Variants in FUT8 observed in about 807,000 individuals in gnomAD.
FUT8 encodes alpha-(1,6)-fucosyltransferase.
In FUT8, 29 loss-of-function variants were observed where a neutral mutation model predicts 71.3. That is an observed-to-expected ratio of 0.41 (90% CI 0.30 to 0.55). FUT8 has a LOEUF of 0.55. Among genes scored for constraint, FUT8 ranks in the 20% least tolerant of loss-of-function variants. FUT8 has a pLI of 0.34. For synonymous variants in FUT8, 254 were observed against 239.3 expected (o/e 1.06, Z -0.57); for missense variants, 544 against 702.1 (o/e 0.77, Z 2.55).
chr14:65,359,875 G>A, the FUT8 span, among the ~76,000 whole-genome samples: 5 of 152,036 alleles, frequency 3.3e-5, no homozygotes, highest in Non-Finnish European at 7.4e-5. Context: ...ACCCAGGCTG[G>A]AGTGCAGTGG....
intron 3 of FUT8, among the ~76,000 whole-genome samples, chr14:65,568,286 G>A (rs1480178011): frequency 1.3e-5 from 2 of 151,162 alleles, no homozygotes; most frequent in African/African-American, 4.8e-5. Context: ...CTTAATATTG[G>A]TTGTGTTTTC....
intron 2 of FUT8, among the ~76,000 whole-genome samples, chr14:65,469,092 A>T (rs2066094952): frequency 1.3e-5 from 2 of 152,122 alleles, no homozygotes; most frequent in Non-Finnish European, 2.9e-5. Flanking sequence ...TGGCAGGAAG[A>T]TTGTTTGTGC....
chr14:65,707,483 A>G (rs575401551), intron 7 of FUT8, among the ~76,000 whole-genome samples: 59 of 152,170 alleles, frequency 3.9e-4, no homozygotes, highest in African/African-American at 1.3e-3. Context: ...GCTGTACAGA[A>G]CGTTTTATTT....
At chr14:65,410,658 A>C (rs1278811109), upstream of FUT8, 1 of 151,786 alleles carries the variant, frequency 6.6e-6, no homozygotes, top group Non-Finnish European at 1.5e-5. Flanking sequence ...TAAAAATGGA[A>C]CACCAGACAA....
intron 3 of FUT8, among the ~76,000 whole-genome samples, chr14:65,583,536 A>T (rs975193397): frequency 6.6e-6 from 1 of 152,142 alleles, no homozygotes; most frequent in Non-Finnish European, 1.5e-5. Context: ...AAAAATGTAC[A>T]CTGCCATTCA....
chr14:65,646,493 T>C (rs922146754), intron 6 of FUT8: 2 of 152,208 alleles, frequency 1.3e-5, no homozygotes, highest in Non-Finnish European at 2.9e-5. Context: ...AACCTCTGAC[T>C]AGGACTCACT....
chr14:65,742,534 C>T lies in FUT8; in HGVS notation c.*124C>T. 1.3e-6 allele frequency: 1 copy of T among 776,532 alleles called. No individual in the cohort carries two copies. Among genetic ancestry groups the T allele is most frequent in the Non-Finnish European group, 2.0e-6 (1 of 493,310 alleles). The allele number at this position is 776,532 out of a possible 1,614,324, so 48.1% of individuals were successfully genotyped here. A position where few individuals can be genotyped will look rare whatever the true frequency, so the allele number is the denominator to read the frequency against. On this transcript the variant is annotated 3_prime_UTR_variant, in exon 11 of 11. Transcript: ENST00000673929. ...AAATAAGGTTATATGAGTAGATACT[C>T]TCAGCACCAAGAGCAGCTGGGAACT...
At chr14:65,633,317 A>G (rs1364586050) in intron 6 of FUT8, among the ~76,000 whole-genome samples, 1 of 152,158 alleles carries the variant, frequency 6.6e-6, no homozygotes, top group Non-Finnish European at 1.5e-5. Context: ...TCGTTCACTC[A>G]GTGCTCAGTG....
chr14:65,522,500 CAAAA>C (rs1180932483), intron 2 of FUT8, among the ~76,000 whole-genome samples: 1 of 152,058 alleles, frequency 6.6e-6, no homozygotes, highest in Non-Finnish European at 1.5e-5. Flanking sequence ...ATCAGCAAGA[CAAAA>C]GAACTGCTTT....
In FUT8 at chr14:65,461,365, A is replaced by G. The variant is rs139319243; in HGVS notation, c.-228+5647A>G. ...AGAATGACATTATATCAACTTGATT[A>G]TATCTGCATAGACCCTATTTCTAGC... On this transcript the variant is annotated intron_variant, in intron 2 of 10. Coordinates refer to ENST00000673929, the MANE Select transcript of FUT8 (RefSeq NM_001371533.1). Among the ~76,000 whole-genome samples the G allele has an allele frequency of 3.5e-3, 534 of 152,286 alleles. 2 individuals are homozygous for G. Among genetic ancestry groups the G allele is most frequent in the African/African-American group, 0.012 (506 of 41,568 alleles).
upstream of FUT8, chr14:65,411,234 G>T (rs2065120189): frequency 6.6e-6 from 1 of 152,172 alleles, no homozygotes; most frequent in African/African-American, 2.4e-5. Context: ...TTCTGGCTCT[G>T]CTAGTACATC....
At chr14:65,509,591 T>G (rs893560493) in intron 2 of FUT8, among the ~76,000 whole-genome samples, 1 of 152,174 alleles carries the variant, frequency 6.6e-6, no homozygotes, top group Non-Finnish European at 1.5e-5. Context: ...CTCTTCAATT[T>G]CTTTCATCAA....
rs960297228 is a variant in FUT8, at chr14:65,575,000, A to G, written c.203+13234A>G. 6.6e-6 allele frequency among the ~76,000 whole-genome samples: 1 copy of G among 152,146 alleles called. No homozygotes were observed. The highest frequency in any genetic ancestry group is 1.5e-5 in the Non-Finnish European group (1 of 68,014). Reference sequence around the variant, plus strand: ...CTTTGGTTACTGGATTCCAAAGGCCAGTATTCTTTTCTATGAAATGTTTTC... The same window carrying G: ...CTTTGGTTACTGGATTCCAAAGGCCGGTATTCTTTTCTATGAAATGTTTTC... On this transcript the variant is annotated intron_variant, in intron 3 of 10. Coordinates refer to ENST00000673929, the MANE Select transcript of FUT8 (RefSeq NM_001371533.1). The surrounding 1 kb of genome is among the most constrained non-coding windows in gnomAD (Gnocchi z 5.2).
intron 6 of FUT8, chr14:65,636,643 T>G (rs559883523): frequency 6.6e-6 from 1 of 152,182 alleles, no homozygotes; most frequent in African/African-American, 2.4e-5. Flanking sequence ...TTCCATGTGT[T>G]TGCATGGTTT....
chr14:65,470,117 C>T (rs1320828544), intron 2 of FUT8, among the ~76,000 whole-genome samples: 1 of 152,252 alleles, frequency 6.6e-6, no homozygotes, highest in Non-Finnish European at 1.5e-5. Flanking sequence ...CAGAGGGGGC[C>T]TAGGCGGCAG....
rs1378166241 is a variant in FUT8 at position 65,467,828 on chromosome 14, A to T, written c.-228+12110A>T. On this transcript the variant is annotated intron_variant, in intron 2 of 10. Coordinates refer to ENST00000673929, the MANE Select transcript of FUT8 (RefSeq NM_001371533.1). The surrounding 1 kb of genome is among the most constrained non-coding windows in gnomAD (Gnocchi z 4.1). ...CCTGTTATGCTATGAATTCACAGGG[A>T]ATAGGTTCCAGCAGCTCAGGCTCCT... 9 of 770,526 alleles carry T rather than the reference A, an allele frequency of 1.2e-5. No individual in the cohort carries two copies. Among genetic ancestry groups the T allele is most frequent in the Non-Finnish European group, 2.1e-5 (9 of 418,996 alleles). The allele number at this position is 770,526 out of a possible 1,614,324, so 47.7% of individuals were successfully genotyped here.
intron 3 of FUT8, among the ~76,000 whole-genome samples, chr14:65,576,069 A>G (rs147234140): frequency 6.6e-6 from 1 of 152,138 alleles, no homozygotes; most frequent in African/African-American, 2.4e-5. Flanking sequence ...CCTCACTACA[A>G]ATCCTTATAA....
chr14:65,442,875 A>C (rs2139495462), intron 1 of FUT8, among the ~76,000 whole-genome samples: 1 of 152,074 alleles, frequency 6.6e-6, no homozygotes, highest in African/African-American at 2.4e-5. Flanking sequence ...CCTACAAGGA[A>C]ACCTTACTCA....
chr14:65,725,832 A>G (rs796690025), intron 9 of FUT8, among the ~76,000 whole-genome samples: 2 of 152,250 alleles, frequency 1.3e-5, no homozygotes, highest in South Asian at 4.1e-4. Flanking sequence ...GGGGATGAGG[A>G]AAATAAATAA....
Sources: allele counts gnomAD v4.1 joint callset (sites outside exome capture counted in the v4.1 genomes callset), GRCh38; gene constraint gnomAD v4.1.1; non-coding constraint Gnocchi (gnomAD v3.1); transcripts MANE v1.5; gene names NCBI Gene and HGNC (gene_info 2026-07-23, HGNC 2026-07-21).